The following VRTN variants were observed in gnomAD, a reference collection of about 807,000 sequenced individuals.
VRTN encodes the protein vertnin.
Under a neutral mutation model 18.2 loss-of-function variants are expected in VRTN, and 5 were observed. That is an observed-to-expected ratio of 0.27 (90% CI 0.14 to 0.58). The LOEUF is 0.58. Ranked by LOEUF, VRTN falls within the 20% of genes least tolerant of loss-of-function variation. VRTN has a pLI of 0.91. For missense variants in VRTN, 741 were observed against 939.4 expected, an observed-to-expected ratio of 0.79 and a Z score of 2.76; for synonymous variants, 381 against 393.7, an observed-to-expected ratio of 0.97 and a Z score of 0.38.
At chr14:74,320,542 T>A (rs1481419176) in intron 1 of VRTN, among the ~76,000 whole-genome samples, 1 of 132,280 alleles carries the variant, frequency 7.6e-6, no homozygotes, top group Non-Finnish European at 1.6e-5. Flanking sequence ...AATTACAGAC[T>A]TGAGCCACTG....
chr14:74,316,371 C>A (rs1248335059), intron 1 of VRTN, among the ~76,000 whole-genome samples: 1 of 151,754 alleles, frequency 6.6e-6, no homozygotes, highest in Non-Finnish European at 1.5e-5. Context: ...TAAAAATTAG[C>A]CAGGTGTGTC....
At chr14:74,326,439 G>T (rs2085488069) in intron 1 of VRTN, among the ~76,000 whole-genome samples, 2 of 152,220 alleles carry the variant, frequency 1.3e-5, no homozygotes, top group Non-Finnish European at 2.9e-5. Flanking sequence ...CTGGGGTCTG[G>T]CTGGCTTGAA....
intron 1 of VRTN, among the ~76,000 whole-genome samples, chr14:74,352,403 T>C (rs904233894): frequency 2.0e-5 from 3 of 151,928 alleles, no homozygotes; most frequent in African/African-American, 7.3e-5. Context: ...GGTCATGAAC[T>C]CCTGATCTCG....
intron 1 of VRTN, among the ~76,000 whole-genome samples, chr14:74,318,407 AT>A (rs2085431671): frequency 6.6e-6 from 1 of 152,046 alleles, no homozygotes. Context: ...AGTAGCTGAG[AT>A]TACAAGCATG....
intron 1 of VRTN, among the ~76,000 whole-genome samples, chr14:74,322,788 A>G (rs1595165863): frequency 6.6e-6 from 1 of 152,166 alleles, no homozygotes; most frequent in Non-Finnish European, 1.5e-5. Flanking sequence ...AAGCCTTCAA[A>G]CAATAAATAT....
chr14:74,351,735 C>T (rs2140211935), intron 1 of VRTN, among the ~76,000 whole-genome samples: 1 of 152,178 alleles, frequency 6.6e-6, no homozygotes, highest in East Asian at 1.9e-4. Flanking sequence ...CCCACTTCAG[C>T]CTCCCAAAGT....
intron 1 of VRTN, among the ~76,000 whole-genome samples, chr14:74,306,919 ATC>A (rs1221144521): frequency 1.3e-5 from 2 of 151,384 alleles, no homozygotes; most frequent in Non-Finnish European, 2.9e-5. Flanking sequence ...AGTTGTTTTA[ATC>A]TGTCTTTTTA....
rs553616437 is a variant in VRTN at position 74,319,370 on chromosome 14, T to G, written c.-164+16194T>G. ...ATGTATTTTTATAGTATTTTGACAATAGAGACAATCAGATTTGGGTTTGGA... is the reference window on the plus strand; with the variant it reads ...ATGTATTTTTATAGTATTTTGACAAGAGAGACAATCAGATTTGGGTTTGGA... On this transcript the variant is annotated intron_variant, in intron 1 of 2. Coordinates refer to the VRTN transcript ENST00000557177. Among the ~76,000 whole-genome samples the G allele has an allele frequency of 3.6e-3, 541 of 152,232 alleles. 5 individuals carry two copies. Among genetic ancestry groups the G allele is most frequent in the African/African-American group, 5.6e-3 (233 of 41,556 alleles).
At chr14:74,327,988 T>C (rs2085498357) in intron 1 of VRTN, among the ~76,000 whole-genome samples, 1 of 152,012 alleles carries the variant, frequency 6.6e-6, no homozygotes, top group Admixed American at 6.6e-5. Context: ...CCCAAAGTGC[T>C]GGGATTACAG....
chr14:74,346,697 A>C (rs965676915), upstream of VRTN, among the ~76,000 whole-genome samples: 5 of 152,360 alleles, frequency 3.3e-5, no homozygotes, highest in African/African-American at 1.2e-4. Flanking sequence ...CTGTCTTTAG[A>C]TAATGGGATT....
At position 74,358,318 on chromosome 14, in the gene VRTN, G is replaced by A. The variant is rs367558909; in HGVS notation, c.1535G>A (p.Arg512His). 36 of 1,612,996 alleles carry A rather than the reference G, an allele frequency of 2.2e-5. No homozygotes were observed. The highest frequency in any genetic ancestry group is 1.3e-4 in the Admixed American group (8 of 60,008). ...CTGTCCCGTTGGCAGAGGCGTCTGC[G>A]CAGGGCTGCCCGCAGGCAGGTGCTG... is the stretch of plus-strand genomic sequence containing the variant. ...MPLSRWQRRL[R>H]RAARRQVLSG... The change falls in exon 2 of 2, where the codon CGC (arginine) becomes CAC (histidine). Residue 512 changes from arginine to histidine, a missense_variant. Arg to His is a conservative substitution (Grantham distance 29). Coordinates refer to ENST00000256362, the MANE Select transcript of VRTN (RefSeq NM_018228.3). This position sits in a 1 kb window ranked among gnomAD's most constrained non-coding sequence, Gnocchi z 5.4.
intron 1 of VRTN, among the ~76,000 whole-genome samples, chr14:74,355,977 A>G (rs2085724651): frequency 6.6e-6 from 1 of 151,788 alleles, no homozygotes; most frequent in Non-Finnish European, 1.5e-5. Context: ...GACTATAGGC[A>G]CATGCCACTG....
chr14:74,352,547 CTTTT>C (rs1344739794), intron 1 of VRTN, among the ~76,000 whole-genome samples: 1 of 152,004 alleles, frequency 6.6e-6, no homozygotes, highest in Non-Finnish European at 1.5e-5. Context: ...TCAAATGTAG[CTTTT>C]TTGTTTTGTT....
chr14:74,357,599 G>C lies in VRTN; in HGVS notation c.816G>C (p.Glu272Asp). The C allele has an allele frequency of 1.9e-6, 3 of 1,614,038 alleles. No homozygotes were observed. The highest frequency in any genetic ancestry group is 1.7e-6 in the Non-Finnish European group (2 of 1,180,042). Residue 272 changes from glutamate to aspartate, a missense_variant, in exon 2 of 2, where the codon GAG becomes GAC. By Grantham distance (45) the Glu-to-Asp change is conservative. Coordinates refer to ENST00000256362, the MANE Select transcript of VRTN (RefSeq NM_018228.3). The surrounding 1 kb of genome is among the most constrained non-coding windows in gnomAD (Gnocchi z 7.8). ...APLSSPAKTL[E>D]LLNREPGLSY... Reference sequence around the variant, plus strand: ...TCTCATCGCCGGCCAAGACCCTGGAGCTGCTCAACCGTGAACCTGGCCTCA... The same window carrying C: ...TCTCATCGCCGGCCAAGACCCTGGACCTGCTCAACCGTGAACCTGGCCTCA...
In VRTN at chr14:74,359,686, C is replaced by A; in HGVS notation, c.*794C>A. The stretch of plus-strand genomic sequence containing the variant: ...CTGAGGCACCGGAGATCTTGAGGCA[C>A]TGGAGATCACTGAGGGGCTGGCCTG... On this transcript the variant is annotated 3_prime_UTR_variant, in exon 2 of 2. Transcript: ENST00000256362. 1 of 167,418 alleles carries A rather than the reference C, an allele frequency of 6.0e-6. No individual in the cohort carries two copies. The highest frequency in any genetic ancestry group is 1.5e-5 in the Non-Finnish European group (1 of 68,318). 10.4% of individuals were successfully genotyped at this position (167,418 alleles called of 1,614,324 possible).
At chr14:74,313,658 AG>A (rs2085402434) in intron 1 of VRTN, among the ~76,000 whole-genome samples, 1 of 152,168 alleles carries the variant, frequency 6.6e-6, no homozygotes, top group African/African-American at 2.4e-5. Flanking sequence ...CATTTTGGAA[AG>A]ATTAAGGCCC....
chr14:74,321,649 C>T (rs528138167), intron 1 of VRTN, among the ~76,000 whole-genome samples: 1 of 150,988 alleles, frequency 6.6e-6, no homozygotes, highest in African/African-American at 2.4e-5. Context: ...GGATTACAGG[C>T]ATGCGCCACC....
At chr14:74,312,656 G>A (rs1173967957) in intron 1 of VRTN, among the ~76,000 whole-genome samples, 1 of 151,656 alleles carries the variant, frequency 6.6e-6, no homozygotes, top group Non-Finnish European at 1.5e-5. Flanking sequence ...TCACCATGTT[G>A]CCCAGGCTGG....
At chr14:74,354,594 G>C (rs946059701) in intron 1 of VRTN, among the ~76,000 whole-genome samples, 1 of 151,824 alleles carries the variant, frequency 6.6e-6, no homozygotes, top group African/African-American at 2.4e-5. Flanking sequence ...TAGTAGAGAC[G>C]GGGTTTCACC....
Sources: allele counts gnomAD v4.1 joint callset (sites outside exome capture counted in the v4.1 genomes callset), GRCh38; gene constraint gnomAD v4.1.1; non-coding constraint Gnocchi (gnomAD v3.1); transcripts MANE v1.5; gene names NCBI Gene and HGNC (gene_info 2026-07-23, HGNC 2026-07-21).